CRMP1: variants seen among roughly 807,000 people sequenced by gnomAD.
CRMP1 encodes the protein dihydropyrimidinase-related protein 1.
In CRMP1, 19 loss-of-function variants were observed where a neutral mutation model predicts 68.3. The observed-to-expected ratio is 0.28, with a 90% CI of 0.19 to 0.41. The LOEUF (loss-of-function observed/expected upper bound fraction) is 0.41. Ranked by LOEUF, CRMP1 falls within the 10% of genes least tolerant of loss-of-function variation. The pLI, the probability that CRMP1 is intolerant of heterozygous loss-of-function variation, is 1.00. For missense variants in CRMP1, 791 were observed against 967.4 expected, an observed-to-expected ratio of 0.82 and a Z score of 2.42; for synonymous variants, 439 against 399.6, an observed-to-expected ratio of 1.10 and a Z score of -1.18.
chr4:5,845,698 G>A (rs533635676), intron 6 of CRMP1, among the ~76,000 whole-genome samples: 13 of 152,216 alleles, frequency 8.5e-5, no homozygotes, highest in Non-Finnish European at 1.5e-4. Flanking sequence ...AATCATGGAT[G>A]ACTAGTACAG....
intron 11 of CRMP1, among the ~76,000 whole-genome samples, chr4:5,831,099 C>T (rs28635597): frequency 6.6e-6 from 1 of 152,094 alleles, no homozygotes; most frequent in African/African-American, 2.4e-5. Context: ...CAGGCATGCA[C>T]CACCATGCCT....
In CRMP1 at chr4:5,839,590, C is replaced by T. The variant is rs927839954; in HGVS notation, c.1242G>A (p.Ala414=). The T allele has an allele frequency of 1.1e-5, 17 of 1,612,458 alleles. No individual in the cohort carries two copies. The African/African-American group carries it at 1.1e-4, about 10-fold the overall frequency. The change falls in exon 9 of 14, where the codon GCG becomes GCA. Residue 414 remains alanine, a synonymous_variant. Coordinates refer to ENST00000324989, the MANE Select transcript of CRMP1 (RefSeq NM_001014809.3). The part of the protein sequence containing the change: ...YWSKNWAKAA[A]FVTSPPLSPD... ...GGCTCAGGGGAGGGGAAGTCACGAA[C>T]GCCGCAGCCTTGGCCCAGTTCTTGC...
rs143279462 is a variant in CRMP1, at chr4:5,859,297, G to C, written c.655+1729C>G. Among the ~76,000 whole-genome samples, 119 of 152,278 alleles carry C rather than the reference G, an allele frequency of 7.8e-4. No individual in the cohort carries two copies. The highest frequency in any genetic ancestry group is 1.4e-3 in the Non-Finnish European group (96 of 68,024). On this transcript the variant is annotated intron_variant, in intron 3 of 13. Coordinates refer to ENST00000324989, the MANE Select transcript of CRMP1 (RefSeq NM_001014809.3). This position sits in a 1 kb window ranked among gnomAD's most constrained non-coding sequence, Gnocchi z 5.2. Reference sequence around the variant, plus strand: ...GCTCTTGTTCCATGAAACACACTTTGGAAACTGCCCTTCACAGGTGAGGAG... The same window carrying C: ...GCTCTTGTTCCATGAAACACACTTTCGAAACTGCCCTTCACAGGTGAGGAG...
intron 10 of CRMP1, among the ~76,000 whole-genome samples, 198 bp from the exon 11 acceptor site, chr4:5,836,283 A>C (rs1720717087): frequency 6.6e-6 from 1 of 152,164 alleles, no homozygotes; most frequent in Non-Finnish European, 1.5e-5. Context: ...AACCGCACAG[A>C]GGTATGTTGA....
chr4:5,851,862 C>G (rs147621712), intron 4 of CRMP1, among the ~76,000 whole-genome samples: 3,842 of 119,436 alleles, frequency 0.032, 54 homozygotes, highest in South Asian at 0.047. Context: ...GGAAGAGGAG[C>G]AGGAGGAGGA....
chr4:5,883,242 T>TCCTTCCA lies in CRMP1; in HGVS notation c.381+9346_381+9347insTGGAAGG, dbSNP rs1336387230. On this transcript the variant is annotated intron_variant, in intron 1 of 13. Transcript: ENST00000324989. The surrounding 1 kb of genome is among the most constrained non-coding windows in gnomAD (Gnocchi z 4.5). Reference sequence around the variant, plus strand: ...CCGCAGCCTGCCTGCTTTCCTTCCTTCCTTCCTTCCTTCCTTCCTCCCTCC... The same window carrying TCCTTCCA: ...CCGCAGCCTGCCTGCTTTCCTTCCTTCCTTCCACCTTCCTTCCTTCCTTCCTCCCTCC... Among the ~76,000 whole-genome samples, 2 of 103,470 alleles carry TCCTTCCA rather than the reference T, an allele frequency of 1.9e-5. No homozygotes were observed. The highest frequency in any genetic ancestry group is 6.2e-5 in the African/African-American group (2 of 32,284). 67.9% of individuals were successfully genotyped at this position (103,470 alleles called of 152,430 possible). A position where few individuals can be genotyped will look rare whatever the true frequency, so the allele number is the denominator to read the frequency against.
rs1482068781 is a variant in CRMP1, at chr4:5,836,829, G to A, written c.1388C>T (p.Thr463Ile). The A allele has an allele frequency of 1.2e-6, 2 of 1,614,062 alleles. No homozygotes were observed. Among genetic ancestry groups the A allele is most frequent in the Admixed American group, 1.7e-5 (1 of 60,004 alleles). The change falls in exon 10 of 14, where the codon ACC (threonine) becomes ATC (isoleucine). Residue 463 changes from threonine (T) to isoleucine (I), a missense_variant. Thr to Ile is a moderately conservative substitution (Grantham distance 89). Transcript: ENST00000324989. ...AQKAVGKDNFTLIPEGVNGIE... is the reference protein window; with the variant it reads ...AQKAVGKDNFILIPEGVNGIE... Reference sequence around the variant, plus strand: ...CCCGTTGACACCCTCGGGGATCAGGGTAAAGTTGTCCTTGCCCACCGCCTT... The same window carrying A: ...CCCGTTGACACCCTCGGGGATCAGGATAAAGTTGTCCTTGCCCACCGCCTT...
At chr4:5,880,186 A>G (rs1488318420) in intron 1 of CRMP1, among the ~76,000 whole-genome samples, 1 of 152,224 alleles carries the variant, frequency 6.6e-6, no homozygotes, top group Admixed American at 6.5e-5. Context: ...TATGCAGAGA[A>G]CATACTGGGA....
At chr4:5,831,823 A>G (rs75134091) in intron 11 of CRMP1, among the ~76,000 whole-genome samples, 2,979 of 152,324 alleles carry the variant, frequency 0.02, 95 homozygotes, top group African/African-American at 0.068. Flanking sequence ...GTAAAAATTT[A>G]AACAACACAA....
At chr4:5,840,237 G>A (rs1342398469) in intron 8 of CRMP1, among the ~76,000 whole-genome samples, 3 of 152,228 alleles carry the variant, frequency 2.0e-5, no homozygotes, top group Non-Finnish European at 2.9e-5. Flanking sequence ...GGGAAAGGGA[G>A]TTGGATGTGT....
rs762231166 is a variant in CRMP1, at chr4:5,856,252, C to G, written c.711G>C (p.Trp237Cys). Residue 237 changes from tryptophan to cysteine, a missense_variant, in exon 4 of 14, where the codon TGG (tryptophan) becomes TGC (cysteine). Coordinates refer to ENST00000324989, the MANE Select transcript of CRMP1 (RefSeq NM_001014809.3). ...GSSLLTSFEK[W>C]HEAADTKSCC... The stretch of plus-strand genomic sequence containing the variant: ...AGGATTTGGTGTCAGCTGCTTCGTG[C>G]CACTTCTCGAAAGAGGTCAGTAGGC... 6.2e-7 allele frequency: 1 copy of G among 1,613,958 alleles called. No homozygotes were observed. Among genetic ancestry groups the G allele is most frequent in the African/African-American group, 1.3e-5 (1 of 75,016 alleles).
At chr4:5,830,238 G>C (rs1045005738) in intron 11 of CRMP1, among the ~76,000 whole-genome samples, 1 of 152,160 alleles carries the variant, frequency 6.6e-6, no homozygotes, top group Non-Finnish European at 1.5e-5. Context: ...CAATGTTAAA[G>C]AATTTATCCT....
intron 1 of CRMP1, chr4:5,887,857 C>T (rs1189848194): frequency 5.0e-6 from 5 of 996,224 alleles, no homozygotes; most frequent in Non-Finnish European, 6.0e-6. Flanking sequence ...CTCAGCTCAC[C>T]CTCCCACCCC....
In CRMP1 at chr4:5,889,628, G is replaced by C; in HGVS notation, c.381+2961C>G. 1 of 1,536,160 alleles carries C rather than the reference G, an allele frequency of 6.5e-7. No individual in the cohort carries two copies. Among genetic ancestry groups the C allele is most frequent in the Non-Finnish European group, 8.7e-7 (1 of 1,146,910 alleles). ...CCAGGCAGAATAAAACACCAACCTT[G>C]TCCACCACTTCGTTGTTCATTTTCT... On this transcript the variant is annotated intron_variant, in intron 1 of 13. Coordinates refer to ENST00000324989, the MANE Select transcript of CRMP1 (RefSeq NM_001014809.3). The surrounding 1 kb of genome is among the most constrained non-coding windows in gnomAD (Gnocchi z 4.5).
Position 5,839,663 on chromosome 4 carries a change from C to G in CRMP1, c.1169G>C (p.Gly390Ala). ...CCCCAGGCTGGCGGCAATGGGCTCT[C>G]CAAAAACTAGGGGCCCTTAGGAGGG... ...LARKKGPLVF[G>A]EPIAASLGTD... Residue 390 changes from glycine to alanine, a missense_variant, in exon 9 of 14, where the codon GGA becomes GCA. Gly to Ala is a moderately conservative substitution (Grantham distance 60). This residue lies in a region of CRMP1 where 594 missense variants were observed against 763.6 expected (regional missense o/e 0.78). Coordinates refer to ENST00000324989, the MANE Select transcript of CRMP1 (RefSeq NM_001014809.3). The G allele has an allele frequency of 6.2e-7, 1 of 1,611,686 alleles. No individual in the cohort carries two copies. Among genetic ancestry groups the G allele is most frequent in the Non-Finnish European group, 8.5e-7 (1 of 1,179,284 alleles).
In CRMP1 at chr4:5,865,410, A is replaced by G. The variant is rs1713913387; in HGVS notation, c.470+1258T>C. Reference sequence around the variant, plus strand: ...GCCGAGGCGAGCGGATCACGAGGTCAGGAGATCGAGACCATCCTGGCCAAC... The same window carrying G: ...GCCGAGGCGAGCGGATCACGAGGTCGGGAGATCGAGACCATCCTGGCCAAC... On this transcript the variant is annotated intron_variant, in intron 2 of 13. Transcript: ENST00000324989. This position sits in a 1 kb window ranked among gnomAD's most constrained non-coding sequence, Gnocchi z 4.1. Among the ~76,000 whole-genome samples, 3 of 152,210 alleles carry G rather than the reference A, an allele frequency of 2.0e-5. No individual in the cohort carries two copies. The highest frequency in any genetic ancestry group is 2.0e-4 in the Admixed American group (3 of 15,282).
At position 5,853,372 on chromosome 4, in the gene CRMP1, C is replaced by G. The variant is rs1338552249; in HGVS notation, c.821-1903G>C. Among the ~76,000 whole-genome samples the G allele has an allele frequency of 4.6e-5, 7 of 152,210 alleles. No individual in the cohort carries two copies. Among genetic ancestry groups the G allele is most frequent in the Non-Finnish European group, 1.0e-4 (7 of 68,016 alleles). On this transcript the variant is annotated intron_variant, in intron 4 of 13. Transcript: ENST00000324989. The surrounding 1 kb of genome is among the most constrained non-coding windows in gnomAD (Gnocchi z 4.7). ...TGAGCTGAGATCTCGCCATTGCACT[C>G]CAGCCTGGGTGACAGAGTAAGACTC...
rs200936507 is a variant in CRMP1, at chr4:5,891,281, C to A, written c.381+1308G>T. 7.5e-6 allele frequency among the ~76,000 whole-genome samples: 1 copy of A among 132,916 alleles called. No individual in the cohort carries two copies. 87.2% of individuals were successfully genotyped at this position (132,916 alleles called of 152,430 possible). A position where few individuals can be genotyped will look rare whatever the true frequency, so the allele number is the denominator to read the frequency against. On this transcript the variant is annotated intron_variant, in intron 1 of 13. Transcript: ENST00000324989. This position sits in a 1 kb window ranked among gnomAD's most constrained non-coding sequence, Gnocchi z 5.2. Reference sequence around the variant, plus strand: ...ACCACGGAGAGCTCTGGAGCAACAGCCCGCCCGCGAAGGGATGGGGCCCGA... The same window carrying A: ...ACCACGGAGAGCTCTGGAGCAACAGACCGCCCGCGAAGGGATGGGGCCCGA...
intron 2 of CRMP1, among the ~76,000 whole-genome samples, chr4:5,864,489 C>A (rs1304538102): frequency 6.6e-6 from 1 of 152,238 alleles, no homozygotes; most frequent in Non-Finnish European, 1.5e-5. Flanking sequence ...ACAGGAGCAT[C>A]CTCACCACCT....
Sources: gnomAD v4.1 joint callset for allele counts (sites outside exome capture counted in the v4.1 genomes callset) on GRCh38, gnomAD v4.1.1 for gene constraint, gnomAD v4.1.1 regional missense constraint, Gnocchi (gnomAD v3.1) non-coding constraint, MANE v1.5 for transcripts, NCBI Gene and HGNC (gene_info 2026-07-23, HGNC 2026-07-21) for gene names.